Variants in CLSTN2 observed in about 807,000 individuals in gnomAD.
CLSTN2 encodes calsyntenin 2.
A neutral mutation model predicts 101.2 loss-of-function variants in CLSTN2; 48 were observed. The ratio of observed to expected loss-of-function variants is 0.47; its 90% CI spans 0.38 to 0.60. The LOEUF is 0.60. Ranked by LOEUF, CLSTN2 falls within the 20% of genes least tolerant of loss-of-function variation. The pLI is 0.00. For synonymous variants in CLSTN2, 481 were observed against 463.6 expected (o/e 1.04, Z -0.48); for missense variants, 1,160 against 1,238.2 (o/e 0.94, Z 0.95).
chr3:140,371,262 C>T (rs1271016528), intron 2 of CLSTN2, among the ~76,000 whole-genome samples: 1 of 151,898 alleles, frequency 6.6e-6, no homozygotes, highest in Non-Finnish European at 1.5e-5. Flanking sequence ...TTTAGGCTGG[C>T]CTTTGAAGAT....
intron 2 of CLSTN2, among the ~76,000 whole-genome samples, chr3:140,296,547 C>T (rs964330680): frequency 6.6e-6 from 1 of 152,186 alleles, no homozygotes; most frequent in Non-Finnish European, 1.5e-5. Flanking sequence ...CATGGATTGC[C>T]TAATTCACAC....
intron 1 of CLSTN2, among the ~76,000 whole-genome samples, chr3:140,056,026 G>C (rs192203909): frequency 3.9e-5 from 6 of 152,274 alleles, no homozygotes; most frequent in Admixed American, 2.6e-4. Context: ...CTTTGTGGTC[G>C]TTGGTACCAA....
chr3:140,286,116 C>T (rs1284792021), intron 2 of CLSTN2, among the ~76,000 whole-genome samples: 1 of 152,104 alleles, frequency 6.6e-6, no homozygotes, highest in African/African-American at 2.4e-5. Flanking sequence ...GACTTTATCC[C>T]CAATTTCTGA....
intron 1 of CLSTN2, among the ~76,000 whole-genome samples, chr3:140,149,804 C>T (rs149159297): frequency 3.5e-4 from 54 of 152,280 alleles, no homozygotes; most frequent in African/African-American, 1.2e-3. Flanking sequence ...ATTGTATAAA[C>T]ATACTTATGC....
intron 8 of CLSTN2, among the ~76,000 whole-genome samples, chr3:140,477,390 G>A (rs745600998): frequency 6.6e-6 from 1 of 152,094 alleles, no homozygotes; most frequent in Non-Finnish European, 1.5e-5. Flanking sequence ...CAATAGAAGT[G>A]GCAGTCCAAA....
At chr3:140,156,500 T>C (rs1249686655) in intron 1 of CLSTN2, among the ~76,000 whole-genome samples, 1 of 152,214 alleles carries the variant, frequency 6.6e-6, no homozygotes, top group Non-Finnish European at 1.5e-5. Flanking sequence ...ATATGGCAGC[T>C]CTGAGAAAGT....
rs1444847601 is a variant in CLSTN2, at chr3:140,427,192, T to A, written c.787+5918T>A. Reference sequence around the variant, plus strand: ...CTGTCTCAAAAAAAAAAAATATATATATATATATATATGTGTATATATATA... The same window carrying A: ...CTGTCTCAAAAAAAAAAAATATATAAATATATATATATGTGTATATATATA... On this transcript the variant is annotated intron_variant, in intron 5 of 16. Transcript: ENST00000458420. Among the ~76,000 whole-genome samples, 155 of 85,036 alleles carry A rather than the reference T, an allele frequency of 1.8e-3. 1 individual carries two copies. The highest frequency in any genetic ancestry group is 9.3e-3 in the African/African-American group (134 of 14,370). The allele number at this position is 85,036 out of a possible 152,430, so 55.8% of individuals were successfully genotyped here.
intron 8 of CLSTN2, among the ~76,000 whole-genome samples, chr3:140,501,652 C>T (rs954021693): frequency 3.3e-5 from 5 of 149,970 alleles, no homozygotes; most frequent in African/African-American, 1.2e-4. Context: ...AAGGCCCTCC[C>T]CCATCCCACA....
chr3:140,190,170 ACG>A (rs2010539514), intron 2 of CLSTN2, among the ~76,000 whole-genome samples: 1 of 152,158 alleles, frequency 6.6e-6, no homozygotes, highest in Admixed American at 6.5e-5. Flanking sequence ...CTGGGGGATT[ACG>A]TTTCAACATA....
At chr3:140,229,474 T>A (rs1045312593) in intron 2 of CLSTN2, among the ~76,000 whole-genome samples, 1 of 151,970 alleles carries the variant, frequency 6.6e-6, no homozygotes, top group African/African-American at 2.4e-5. Context: ...CATGACCCAG[T>A]TCTCCTGCTT....
chr3:140,181,760 G>C (rs2010412563), intron 2 of CLSTN2, among the ~76,000 whole-genome samples: 1 of 152,046 alleles, frequency 6.6e-6, no homozygotes, highest in Non-Finnish European at 1.5e-5. Context: ...TTGGGGAACA[G>C]GTAGGTCAGC....
At chr3:140,238,239 T>C (rs1388182931) in intron 2 of CLSTN2, among the ~76,000 whole-genome samples, 1 of 152,210 alleles carries the variant, frequency 6.6e-6, no homozygotes, top group Admixed American at 6.5e-5. Context: ...ATATTTGTAT[T>C]GAATAGAAAT....
intron 2 of CLSTN2, among the ~76,000 whole-genome samples, chr3:140,236,452 A>G (rs1193102960): frequency 1.3e-5 from 2 of 152,014 alleles, no homozygotes; most frequent in Non-Finnish European, 2.9e-5. Context: ...ATTTTGATGT[A>G]TTTTGTGTTT....
At chr3:140,195,811 T>C (rs1488049997) in intron 2 of CLSTN2, among the ~76,000 whole-genome samples, 1 of 152,206 alleles carries the variant, frequency 6.6e-6, no homozygotes, top group East Asian at 1.9e-4. Flanking sequence ...GACTGTGAGT[T>C]TGGTACACTC....
At chr3:140,261,389 C>T (rs2086652761) in intron 2 of CLSTN2, among the ~76,000 whole-genome samples, 1 of 152,090 alleles carries the variant, frequency 6.6e-6, no homozygotes, top group South Asian at 2.1e-4. Flanking sequence ...TTTTATTTGG[C>T]TCCTGTTTCC....
At chr3:140,106,628 G>A (rs58656999) in intron 1 of CLSTN2, among the ~76,000 whole-genome samples, 8,581 of 152,236 alleles carry the variant, frequency 0.056, 286 homozygotes, top group East Asian at 0.076. Flanking sequence ...ATGGCCCACA[G>A]GAAAATGGGA....
chr3:140,482,629 T>C (rs1192951159), intron 8 of CLSTN2, among the ~76,000 whole-genome samples: 2 of 152,198 alleles, frequency 1.3e-5, no homozygotes, highest in African/African-American at 4.8e-5. Flanking sequence ...AGCCTGTTAT[T>C]GGTCTATTCA....
At chr3:140,367,945 G>A (rs1349493162) in intron 2 of CLSTN2, among the ~76,000 whole-genome samples, 1 of 152,168 alleles carries the variant, frequency 6.6e-6, no homozygotes, top group African/African-American at 2.4e-5. Flanking sequence ...TGGCCCAGGA[G>A]GAAGCAGGAG....
rs147461629 is a variant in CLSTN2 at position 140,532,470 on chromosome 3, C to T, written c.1491C>T (p.Val497=). ...CTCACATAGCCATGCAACTCACAGT[C>T]GGCGCTTGTTGGCAAGGTAATCCTA... The part of the protein sequence containing the change: ...HPSHIAMQLT[V]GACWQGGEVT... The change falls in exon 9 of 17, where the codon GTC becomes GTT. Residue 497 remains valine, a synonymous_variant. Coordinates refer to ENST00000458420, the MANE Select transcript of CLSTN2 (RefSeq NM_022131.3). 71 of 1,612,904 alleles carry T rather than the reference C, an allele frequency of 4.4e-5. 1 individual carries two copies. The highest frequency in any genetic ancestry group is 3.6e-4 in the East Asian group (16 of 44,872).
Sources: allele counts gnomAD v4.1 joint callset (sites outside exome capture counted in the v4.1 genomes callset), GRCh38; gene constraint gnomAD v4.1.1; transcripts MANE v1.5; gene names NCBI Gene and HGNC (gene_info 2026-07-23, HGNC 2026-07-21).